The following ZNF687 variants were observed in gnomAD, a reference collection of about 807,000 sequenced individuals.
The protein encoded by ZNF687 is zinc finger protein 687.
A neutral mutation model predicts 71.8 loss-of-function variants in ZNF687; 13 were observed. The ratio of observed to expected loss-of-function variants is 0.18; its 90% CI spans 0.12 to 0.29. ZNF687 has a LOEUF of 0.29. ZNF687 is among the 10% of genes least tolerant of loss of function. ZNF687 has a pLI of 1.00. For synonymous variants in ZNF687, 673 were observed against 641.6 expected (o/e 1.05, Z -0.74); for missense variants, 1,412 against 1,625.6 (o/e 0.87, Z 2.26).
chr1:151,288,261 T>G lies in ZNF687; in HGVS notation c.1970T>G (p.Leu657Arg). ...TVAAEAPVLP[L>R]STEPPAAPAT... is the part of the protein sequence containing the mutation. Reference sequence around the variant, plus strand: ...GCTGCTGAGGCCCCTGTCCTGCCGCTCTCCACAGAGCCGCCTGCTGCCCCG... The same window carrying G: ...GCTGCTGAGGCCCCTGTCCTGCCGCGCTCCACAGAGCCGCCTGCTGCCCCG... The change falls in exon 2 of 9, where the codon CTC becomes CGC. Residue 657 changes from leucine to arginine, a missense_variant. Physicochemically the swap from Leu to Arg is moderately radical, Grantham distance 102. Around this residue, in one of 8 missense-constraint regions of ZNF687, gnomAD observed 207 missense variants for 239.2 expected, o/e 0.87. Transcript: ENST00000336715. 1 of 1,613,494 alleles carries G rather than the reference T, an allele frequency of 6.2e-7. No individual in the cohort carries two copies. Among genetic ancestry groups the G allele is most frequent in the Middle Eastern group, 1.7e-4 (1 of 6,046 alleles).
At chr1:151,283,580 G>A (rs1269395643) in intron 1 of ZNF687, among the ~76,000 whole-genome samples, 1 of 152,120 alleles carries the variant, frequency 6.6e-6, no homozygotes, top group Non-Finnish European at 1.5e-5. Context: ...GGGGTGTGGG[G>A]GCGGGTGAGT....
chr1:151,286,573 G>A lies in ZNF687; in HGVS notation c.282G>A (p.Gln94=). The A allele has an allele frequency of 6.2e-7, 1 of 1,614,232 alleles. No homozygotes were observed. Among genetic ancestry groups the A allele is most frequent in the Non-Finnish European group, 8.5e-7 (1 of 1,180,044 alleles). ...VIVKNTVCPE[Q]SEALAGGSAG... ...TCAAGAACACTGTGTGTCCCGAGCA[G>A]TCTGAGGCCCTGGCTGGAGGCTCAG... The change falls in exon 2 of 9, where the codon CAG becomes CAA. Residue 94 remains glutamine, a synonymous_variant. Coordinates refer to ENST00000336715, the MANE Select transcript of ZNF687 (RefSeq NM_020832.3).
In ZNF687 at chr1:151,286,448, G is replaced by A. The variant is rs998802953; in HGVS notation, c.157G>A (p.Asp53Asn). The change falls in exon 2 of 9, where the codon GAC (aspartate) becomes AAC (asparagine). Residue 53 changes from aspartate to asparagine, a missense_variant. Around this residue, in one of 8 missense-constraint regions of ZNF687, gnomAD observed 490 missense variants for 489.9 expected, o/e 1.00. Transcript: ENST00000336715. ...ACCAGGTGTAGGAAGTGAATCTGAA[G>A]ACACAGCAGCAGCCTCTGCTGGGGA... ...PEPGVGSESE[D>N]TAAASAGDGP... 3 of 1,613,718 alleles carry A rather than the reference G, an allele frequency of 1.9e-6. No homozygotes were observed. The highest frequency in any genetic ancestry group is 2.5e-6 in the Non-Finnish European group (3 of 1,179,864).
At chr1:151,290,266 C>G in intron 7 of ZNF687, 32 bp downstream of exon 7, 2 of 1,611,230 alleles carry the variant, frequency 1.2e-6, no homozygotes. Flanking sequence ...CTCTTCCTGC[C>G]CAGCACGTGA....
At chr1:151,290,596 G>C (rs1473851253) in intron 8 of ZNF687, 23 bp downstream of exon 8, 1 of 1,604,882 alleles carries the variant, frequency 6.2e-7, no homozygotes, top group African/African-American at 1.3e-5. Context: ...CCGGCCTGCT[G>C]TGCTAGGGCT....
Position 151,290,794 on chromosome 1 carries a change from C to T in ZNF687, c.3299C>T (p.Pro1100Leu), listed in dbSNP as rs147685225. The T allele has an allele frequency of 1.2e-6, 2 of 1,613,838 alleles. No individual in the cohort carries two copies. Among genetic ancestry groups the T allele is most frequent in the Non-Finnish European group, 1.7e-6 (2 of 1,179,988 alleles). ...PDSTTPPAKS[P>L]RGGPGSGGHG... ...AGCACGACACCGCCAGCCAAGTCCC[C>T]CAGGGGCGGACCTGGATCTGGAGGC... Residue 1100 changes from proline (P) to leucine (L), a missense_variant, in exon 9 of 9, where the codon CCC (proline) becomes CTC (leucine). Physicochemically the swap from Pro to Leu is moderately conservative, Grantham distance 98. Transcript: ENST00000336715.
rs756247772 is a variant in ZNF687, at chr1:151,290,160, C to T, written c.3003C>T (p.Ser1001=). ...KKFPCRLCER[S]FCSAPSLRRH... ...TCCCCTGTCGCCTGTGTGAGCGCTCCTTCTGCTCCGCCCCCAGCCTGAGGC... is the reference window on the plus strand; with the variant it reads ...TCCCCTGTCGCCTGTGTGAGCGCTCTTTCTGCTCCGCCCCCAGCCTGAGGC... Residue 1001 remains serine (S), a synonymous_variant, in exon 7 of 9, where the codon TCC becomes TCT. Coordinates refer to ENST00000336715, the MANE Select transcript of ZNF687 (RefSeq NM_020832.3). 8 of 1,613,908 alleles carry T rather than the reference C, an allele frequency of 5.0e-6. No homozygotes were observed. In the East Asian group the frequency reaches 1.3e-4, roughly 27 times the overall value.
Position 151,287,159 on chromosome 1 carries a change from G to A in ZNF687, c.868G>A (p.Asp290Asn). The change falls in exon 2 of 9, where the codon GAT becomes AAT. Residue 290 changes from aspartate (D) to asparagine (N), a missense_variant. Asp to Asn is a conservative substitution (Grantham distance 23, BLOSUM62 1). Coordinates refer to ENST00000336715, the MANE Select transcript of ZNF687 (RefSeq NM_020832.3). This position sits in a 1 kb window ranked among gnomAD's most constrained non-coding sequence, Gnocchi z 5.0. ...TCAGCCCTTGAAGGAAGAAGATGAT[G>A]ATGAGGGGCCAGTGGACAAGTCTTC... ...VCQPLKEEDD[D>N]EGPVDKSSPG... is the part of the protein sequence containing the mutation. 6.2e-7 allele frequency: 1 copy of A among 1,614,172 alleles called. No individual in the cohort carries two copies. Among genetic ancestry groups the A allele is most frequent in the Non-Finnish European group, 8.5e-7 (1 of 1,180,012 alleles).
At chr1:151,282,458 A>AC (rs1237111637) in intron 1 of ZNF687, 63 bp downstream of exon 1, 44 of 955,312 alleles carry the variant, frequency 4.6e-5, no homozygotes, top group South Asian at 1.9e-4. Context: ...GCGGGTAAAT[A>AC]CCCCCGCCCC....
Position 151,287,054 on chromosome 1 carries a change from C to A in ZNF687, c.763C>A (p.Pro255Thr), listed in dbSNP as rs1376507573. ...ATDIPASASP[P>T]PVAGVPFFKQ... ...GGACATCCCTGCCAGTGCCTCGCCT[C>A]CCCCAGTTGCTGGGGTGCCCTTCTT... is the stretch of plus-strand genomic sequence containing the variant. The change falls in exon 2 of 9, where the codon CCC becomes ACC. Residue 255 changes from proline (P) to threonine (T), a missense_variant. Physicochemically the swap from Pro to Thr is conservative, Grantham distance 38. Coordinates refer to ENST00000336715, the MANE Select transcript of ZNF687 (RefSeq NM_020832.3). This position sits in a 1 kb window ranked among gnomAD's most constrained non-coding sequence, Gnocchi z 5.0. 1.9e-6 allele frequency: 3 copies of A among 1,610,530 alleles called. No individual in the cohort carries two copies. The highest frequency in any genetic ancestry group is 2.5e-6 in the Non-Finnish European group (3 of 1,177,452).
At chr1:151,285,098 A>G (rs1034569919) in intron 1 of ZNF687, 2 of 152,134 alleles carry the variant, frequency 1.3e-5, no homozygotes, top group African/African-American at 4.8e-5. Context: ...TTCAAACAGC[A>G]AAAGTAAGGC....
In ZNF687 at chr1:151,287,404, G is replaced by A. The variant is rs756799143; in HGVS notation, c.1113G>A (p.Leu371=). Residue 371 remains leucine, a synonymous_variant, in exon 2 of 9, where the codon TTG becomes TTA. Transcript: ENST00000336715. This position sits in a 1 kb window ranked among gnomAD's most constrained non-coding sequence, Gnocchi z 5.0. ...CCTTCTTGGCTGAGGCTAGCCTCTT[G>A]AAGCTGTCCCCTGCAACACCTACTT... The part of the protein sequence containing the change: ...EGAFLAEASL[L]KLSPATPTSE... The A allele has an allele frequency of 6.2e-7, 1 of 1,614,048 alleles. No individual in the cohort carries two copies.
At chr1:151,281,661 C>T (rs1444225484), upstream of ZNF687, 3 of 467,196 alleles carry the variant, frequency 6.4e-6, no homozygotes, top group Non-Finnish European at 1.3e-5. Flanking sequence ...GGACCCCATC[C>T]ATCAGATTAT....
Position 151,282,395 on chromosome 1 carries a change from A to G in ZNF687, c.-18A>G. 1 of 988,570 alleles carries G rather than the reference A, an allele frequency of 1.0e-6. No homozygotes were observed. The highest frequency in any genetic ancestry group is 1.2e-6 in the Non-Finnish European group (1 of 831,056). The allele number at this position is 988,570 out of a possible 1,614,324, so 61.2% of individuals were successfully genotyped here. ...CTCGGCCCGCACCAGGAGCGGAACA[A>G]GTAAGCGTGCCTGGGGTAAATACCC... On this transcript the variant is annotated splice_region_variant and 5_prime_UTR_variant, in exon 1 of 9. Transcript: ENST00000336715.
Position 151,286,981 on chromosome 1 carries a change from T to C in ZNF687, c.690T>C (p.His230=), listed in dbSNP as rs902590231. The change falls in exon 2 of 9, where the codon CAT becomes CAC. Residue 230 remains histidine (H), a synonymous_variant. Coordinates refer to ENST00000336715, the MANE Select transcript of ZNF687 (RefSeq NM_020832.3). ...ALKQESCSPH[H]PQVLAQQGSG... is the part of the protein sequence containing the mutation. ...AGCAGGAGAGCTGCAGCCCCCATCATCCCCAGGTCCTAGCCCAACAAGGCT... is the reference window on the plus strand; with the variant it reads ...AGCAGGAGAGCTGCAGCCCCCATCACCCCCAGGTCCTAGCCCAACAAGGCT... 1.2e-6 allele frequency: 2 copies of C among 1,603,112 alleles called. No individual in the cohort carries two copies.
intron 1 of ZNF687, 89 bp downstream of exon 1, chr1:151,282,484 A>G (rs754710343): frequency 7.9e-5 from 72 of 912,418 alleles, no homozygotes; most frequent in East Asian, 1.2e-4. Context: ...CACTTGGTCA[A>G]CTACCCCCTT....
At position 151,289,968 on chromosome 1, in the gene ZNF687, T is replaced by G. The variant is rs201328316; in HGVS notation, c.2925T>G (p.Arg975=). 1.9e-6 allele frequency: 3 copies of G among 1,577,806 alleles called. No individual in the cohort carries two copies. The Admixed American group carries it at 5.4e-5, about 28-fold the overall frequency. The change falls in exon 6 of 9, where the codon CGT becomes CGG. Residue 975 remains arginine, a synonymous_variant. Transcript: ENST00000336715. ...TGTGTCACTCCTGGTTCCCTGAGCG[T>G]GATGAATACGTGGCCCACATGAAGA... ...CGLCHSWFPE[R]DEYVAHMKKE... is the part of the protein sequence containing the mutation.
In ZNF687 at chr1:151,286,497, C is replaced by T. The variant is rs1318615855; in HGVS notation, c.206C>T (p.Ala69Val). ...GATGGCCCTGGAGTTCCAGCCCAGG[C>T]CTCTGACCATGGCCTGCCACCGCCA... is the stretch of plus-strand genomic sequence containing the variant. ...AGDGPGVPAQ[A>V]SDHGLPPPDI... The change falls in exon 2 of 9, where the codon GCC becomes GTC. Residue 69 changes from alanine to valine, a missense_variant. Transcript: ENST00000336715. 6.2e-7 allele frequency: 1 copy of T among 1,614,142 alleles called. No homozygotes were observed. The highest frequency in any genetic ancestry group is 2.2e-5 in the East Asian group (1 of 44,866).
At chr1:151,283,015 C>G (rs1693788824) in intron 1 of ZNF687, 7 of 646,802 alleles carry the variant, frequency 1.1e-5, no homozygotes, top group African/African-American at 2.0e-5. Flanking sequence ...GCTCCCCACC[C>G]TATCCTGTGT....
Sources: allele counts gnomAD v4.1 joint callset (sites outside exome capture counted in the v4.1 genomes callset), GRCh38; gene constraint gnomAD v4.1.1; regional missense constraint gnomAD v4.1.1; non-coding constraint Gnocchi (gnomAD v3.1); transcripts MANE v1.5; gene names NCBI Gene and HGNC (gene_info 2026-07-23, HGNC 2026-07-21).